MYOCD: variants seen among roughly 807,000 people sequenced by gnomAD.
MYOCD encodes myocardin.
Under a neutral mutation model 96.1 loss-of-function variants are expected in MYOCD, and 32 were observed. That is an observed-to-expected ratio of 0.33 (90% CI 0.25 to 0.45). The LOEUF is 0.45. Among genes scored for constraint, MYOCD ranks in the 20% least tolerant of loss-of-function variants. The probability of loss-of-function intolerance (pLI) is 1.00; values close to 1 mark genes in which losing one functional copy is unlikely to be tolerated. For synonymous variants in MYOCD, 469 were observed against 469.0 expected, an observed-to-expected ratio of 1.00 and a Z score of 0.00; for missense variants, 1,133 against 1,200.6, an observed-to-expected ratio of 0.94 and a Z score of 0.83.
chr17:12,734,107 G>A (rs1247375154), intron 5 of MYOCD, among the ~76,000 whole-genome samples: 1 of 103,778 alleles, frequency 9.6e-6, no homozygotes, highest in Non-Finnish European at 2.1e-5. Context: ...ACCCATGTTA[G>A]AATATGTAGA....
chr17:12,752,364 T>A (rs565633667), intron 9 of MYOCD, 50 bp from the exon 10 acceptor site: 2 of 1,475,944 alleles, frequency 1.4e-6, no homozygotes, highest in African/African-American at 1.4e-5. Flanking sequence ...AATACACTTT[T>A]AAAAATATTG....
chr17:12,715,493 C>T, intron 2 of MYOCD, 26 bp from the exon 3 acceptor site: 3 of 1,610,710 alleles, frequency 1.9e-6, no homozygotes, highest in South Asian at 1.1e-5. Flanking sequence ...CCAGCCTCCA[C>T]TCACGTTTTT....
intron 7 of MYOCD, among the ~76,000 whole-genome samples, chr17:12,742,831 CA>C (rs2032553216): frequency 6.6e-6 from 1 of 152,092 alleles, no homozygotes. Context: ...CTCCGCCTCC[CA>C]AAGTGCTGGG....
At chr17:12,738,282 C>A (rs931161002) in intron 6 of MYOCD, among the ~76,000 whole-genome samples, 3 of 152,188 alleles carry the variant, frequency 2.0e-5, no homozygotes, top group Non-Finnish European at 4.4e-5. Context: ...CAGGGAAGAA[C>A]TGCAAAGCTC....
chr17:12,704,722 G>C (rs1280648361), intron 1 of MYOCD, among the ~76,000 whole-genome samples: 2 of 152,184 alleles, frequency 1.3e-5, no homozygotes. Context: ...CTTGCTTAGG[G>C]ATACACAGCT....
chr17:12,758,278 T>C, intron 12 of MYOCD, 65 bp downstream of exon 12: 2 of 1,604,278 alleles, frequency 1.2e-6, no homozygotes, highest in Non-Finnish European at 8.5e-7. Context: ...TTGTTTGATA[T>C]GATTAAACTT....
At chr17:12,689,995 C>A (rs1038506794) in intron 1 of MYOCD, among the ~76,000 whole-genome samples, 3 of 152,020 alleles carry the variant, frequency 2.0e-5, no homozygotes, top group African/African-American at 7.2e-5. Flanking sequence ...TCTAAGTATA[C>A]ATCAAAGATA....
chr17:12,692,151 C>T (rs1029597743), intron 1 of MYOCD, among the ~76,000 whole-genome samples: 3 of 152,244 alleles, frequency 2.0e-5, no homozygotes, highest in Non-Finnish European at 2.9e-5. Flanking sequence ...CCTGTGCCTT[C>T]AGTTTTCCCT....
At chr17:12,735,128 C>T (rs1376191338) in intron 5 of MYOCD, among the ~76,000 whole-genome samples, 8 of 152,194 alleles carry the variant, frequency 5.3e-5, no homozygotes, top group African/African-American at 7.2e-5. Context: ...GCAATCCCTG[C>T]GGTGAGAGCT....
rs2033224409 is a variant in MYOCD at position 12,763,006 on chromosome 17, T to C, written c.2390-67T>C. On this transcript the variant is annotated intron_variant, in intron 13 of 13. Coordinates refer to ENST00000425538, the MANE Select transcript of MYOCD (RefSeq NM_001146312.3). ...GCCATCTTCTGTATCTAAGTGTAAC[T>C]CACTCATATTGTGTGGCATGCTCAA... is the stretch of plus-strand genomic sequence containing the variant. The C allele has an allele frequency of 6.7e-6, 9 of 1,353,304 alleles. No homozygotes were observed. The South Asian group carries it at 1.2e-4, about 18-fold the overall frequency. 83.8% of individuals were successfully genotyped at this position (1,353,304 alleles called of 1,614,324 possible). A position where few individuals can be genotyped will look rare whatever the true frequency, so the allele number is the denominator to read the frequency against.
At chr17:12,734,115 A>G (rs1422997858) in intron 5 of MYOCD, among the ~76,000 whole-genome samples, 1 of 30,542 alleles carries the variant, frequency 3.3e-5, no homozygotes, top group African/African-American at 1.2e-4. Context: ...TAGAATATGT[A>G]GATTTTGCAA....
At position 12,666,099 on chromosome 17, in the gene MYOCD, A is replaced by G. The variant is rs913511042; in HGVS notation, c.-90A>G. 48 of 910,174 alleles carry G rather than the reference A, an allele frequency of 5.3e-5. No individual in the cohort carries two copies. In the African/African-American group the frequency reaches 7.7e-4, roughly 15 times the overall value. The allele number at this position is 910,174 out of a possible 1,614,324, so 56.4% of individuals were successfully genotyped here. A position where few individuals can be genotyped will look rare whatever the true frequency, so the allele number is the denominator to read the frequency against. The stretch of plus-strand genomic sequence containing the variant: ...AGAGTTGGATGAATTCTGGGTTGTT[A>G]GCTGCGGTCAGCTGGGCTCCCGGGA... On this transcript the variant is annotated 5_prime_UTR_variant, in exon 1 of 14. Transcript: ENST00000425538.
At position 12,765,177 on chromosome 17, in the gene MYOCD, A is replaced by G. The variant is rs2033303283; in HGVS notation, c.*1533A>G. ...CTTTGGCTGGGAGTTGGAAAAAGCT[A>G]AAATTTCAGAACAGTCTCTGTAAGG... On this transcript the variant is annotated 3_prime_UTR_variant, in exon 14 of 14. Coordinates refer to ENST00000425538, the MANE Select transcript of MYOCD (RefSeq NM_001146312.3). The G allele has an allele frequency of 6.6e-6, 1 of 152,156 alleles. No homozygotes were observed. Among genetic ancestry groups the G allele is most frequent in the Admixed American group, 6.5e-5 (1 of 15,272 alleles). The allele number at this position is 152,156 out of a possible 1,614,324, so 9.4% of individuals were successfully genotyped here.
intron 8 of MYOCD, 150 bp downstream of exon 8, chr17:12,744,586 A>G (rs1451420117): frequency 1.7e-6 from 2 of 1,157,046 alleles, no homozygotes; most frequent in East Asian, 2.6e-5. Context: ...CAATTTAGAA[A>G]CTATGCACAC....
At chr17:12,747,488 T>A (rs1173387000) in intron 9 of MYOCD, among the ~76,000 whole-genome samples, 2 of 152,024 alleles carry the variant, frequency 1.3e-5, no homozygotes, top group African/African-American at 4.8e-5. Context: ...TTTCCATCAG[T>A]AAGAATTAGC....
At chr17:12,742,007 A>C (rs1475090814) in intron 7 of MYOCD, among the ~76,000 whole-genome samples, 1 of 152,086 alleles carries the variant, frequency 6.6e-6, no homozygotes, top group Non-Finnish European at 1.5e-5. Flanking sequence ...GTGCTAAGGC[A>C]ACATAGAGAA....
chr17:12,702,421 C>A (rs939177522), intron 1 of MYOCD, among the ~76,000 whole-genome samples: 3 of 151,872 alleles, frequency 2.0e-5, no homozygotes, highest in African/African-American at 4.8e-5. Context: ...TACTTTCAAC[C>A]AATCTGACAC....
rs761577168 is a variant in MYOCD at position 12,760,632 on chromosome 17, T to C, written c.2332-18T>C. 1.3e-5 allele frequency: 21 copies of C among 1,609,868 alleles called. 1 individual carries two copies. In the South Asian group the frequency reaches 2.1e-4, roughly 16 times the overall value. On this transcript the variant is annotated intron_variant, in intron 12 of 13. Transcript: ENST00000425538. ...CACCTTCTAAATTGTCTGTCCTCCT[T>C]TGGTTAATTTGTAATAGCAAATGAC...
In MYOCD at chr17:12,746,078, G is replaced by C. The variant is rs777755647; in HGVS notation, c.1125+6G>C. 5.0e-6 allele frequency: 8 copies of C among 1,611,622 alleles called. No homozygotes were observed. The South Asian group carries it at 7.7e-5, about 16-fold the overall frequency. ...CTAACCTGGATGATCTGAAGGTATAGGATTTGACATGAGTTTCTTTCTTTT... is the reference window on the plus strand; with the variant it reads ...CTAACCTGGATGATCTGAAGGTATACGATTTGACATGAGTTTCTTTCTTTT... On this transcript the variant is annotated splice_donor_region_variant and intron_variant, in intron 9 of 13. Transcript: ENST00000425538.
Sources: gnomAD v4.1 joint callset for allele counts (sites outside exome capture counted in the v4.1 genomes callset) on GRCh38, gnomAD v4.1.1 for gene constraint, MANE v1.5 for transcripts, NCBI Gene and HGNC (gene_info 2026-07-23, HGNC 2026-07-21) for gene names.